The following FAM110B variants were observed in gnomAD, a reference collection of about 807,000 sequenced individuals.
The protein encoded by FAM110B is family with sequence similarity 110 member B, also known as protein FAM110B.
FAM110B carries 6 observed loss-of-function variants against 20.4 expected under a neutral mutation model. The observed-to-expected ratio is 0.29, with a 90% CI of 0.16 to 0.58. The LOEUF (loss-of-function observed/expected upper bound fraction) is 0.58, where lower values mean the gene tolerates loss of function less well. Among genes scored for constraint, FAM110B ranks in the 20% least tolerant of loss-of-function variants. The probability of loss-of-function intolerance (pLI) is 0.90; values close to 1 mark genes in which losing one functional copy is unlikely to be tolerated. For synonymous variants in FAM110B, 226 were observed against 214.1 expected, an observed-to-expected ratio of 1.06 and a Z score of -0.49; for missense variants, 434 against 498.2, an observed-to-expected ratio of 0.87 and a Z score of 1.23.
At chr8:58,006,901 G>GTATGTATATATATATATATATATATATA (rs1804415260) in intron 1 of FAM110B, among the ~76,000 whole-genome samples, 6 of 97,496 alleles carry the variant, frequency 6.2e-5, no homozygotes, top group Non-Finnish European at 1.1e-4. Context: ...GGCTTAATTG[G>GTATGTATATATATATATATATATATATA]TATATATATA....
At chr8:58,133,834 T>G (rs1440458297) in intron 3 of FAM110B, among the ~76,000 whole-genome samples, 1 of 152,230 alleles carries the variant, frequency 6.6e-6, no homozygotes, top group Non-Finnish European at 1.5e-5. Context: ...GTCTGCTGCT[T>G]TCCTTTCAAG....
At chr8:58,054,168 G>A (rs1805508187) in intron 2 of FAM110B, among the ~76,000 whole-genome samples, 2 of 152,174 alleles carry the variant, frequency 1.3e-5, no homozygotes, top group South Asian at 2.1e-4. Flanking sequence ...AGTTTACTAT[G>A]AACTGAAAAA....
intron 1 of FAM110B, among the ~76,000 whole-genome samples, chr8:58,021,160 C>T (rs1470285397): frequency 1.3e-5 from 2 of 152,120 alleles, no homozygotes; most frequent in African/African-American, 4.8e-5. Context: ...AGTTCTCTTG[C>T]CCCCGGATGC....
chr8:58,039,420 G>T (rs1805155223), intron 2 of FAM110B, among the ~76,000 whole-genome samples: 1 of 152,200 alleles, frequency 6.6e-6, no homozygotes, highest in Non-Finnish European at 1.5e-5. Flanking sequence ...GAAGGCCTTT[G>T]TCTCCAGCTT....
intron 3 of FAM110B, among the ~76,000 whole-genome samples, chr8:58,080,396 G>A (rs1269107650): frequency 6.6e-6 from 1 of 152,218 alleles, no homozygotes; most frequent in Admixed American, 6.5e-5. Context: ...CATACAAAGA[G>A]GGAAAGAGAC....
chr8:58,092,488 A>T (rs1806507320), intron 3 of FAM110B, among the ~76,000 whole-genome samples: 2 of 152,170 alleles, frequency 1.3e-5, no homozygotes, highest in Non-Finnish European at 2.9e-5. Flanking sequence ...AAGCGAGAAC[A>T]TGCGGTGTTT....
At chr8:58,004,757 A>G (rs774590601) in intron 1 of FAM110B, among the ~76,000 whole-genome samples, 5 of 152,194 alleles carry the variant, frequency 3.3e-5, no homozygotes, top group Non-Finnish European at 5.9e-5. Context: ...ACAAACAAAC[A>G]AACCTCATGA....
At chr8:58,079,262 C>T (rs1283673365) in intron 3 of FAM110B, among the ~76,000 whole-genome samples, 2 of 152,140 alleles carry the variant, frequency 1.3e-5, no homozygotes, top group Non-Finnish European at 2.9e-5. Flanking sequence ...GGCTTGCTTT[C>T]TGCTTTTTTA....
At chr8:58,019,347 A>G (rs1804699889) in intron 1 of FAM110B, among the ~76,000 whole-genome samples, 3 of 141,588 alleles carry the variant, frequency 2.1e-5, no homozygotes, top group South Asian at 2.2e-4. Flanking sequence ...AAAAAAAAAA[A>G]AAAAAAAAAA....
intron 2 of FAM110B, among the ~76,000 whole-genome samples, chr8:58,041,014 T>G (rs1017085444): frequency 2.7e-5 from 4 of 145,952 alleles, no homozygotes; most frequent in African/African-American, 5.0e-5. Flanking sequence ...CGATCTTGGC[T>G]CATTGCAACC....
At chr8:58,076,168 C>G (rs983849979) in intron 3 of FAM110B, among the ~76,000 whole-genome samples, 1 of 152,100 alleles carries the variant, frequency 6.6e-6, no homozygotes, top group African/African-American at 2.4e-5. Flanking sequence ...ACTATGTTGC[C>G]CAGGCTGATA....
At chr8:58,014,176 A>G (rs1032484831) in intron 1 of FAM110B, among the ~76,000 whole-genome samples, 2 of 152,162 alleles carry the variant, frequency 1.3e-5, no homozygotes, top group Non-Finnish European at 1.5e-5. Context: ...ACTGTCTAGT[A>G]AGAACACTTA....
At chr8:58,047,250 A>G (rs1300869776) in intron 2 of FAM110B, among the ~76,000 whole-genome samples, 1 of 152,176 alleles carries the variant, frequency 6.6e-6, no homozygotes, top group Non-Finnish European at 1.5e-5. Flanking sequence ...AGGATTTCAA[A>G]TAGTTAAATA....
chr8:58,094,690 G>T (rs948759149), intron 3 of FAM110B, among the ~76,000 whole-genome samples: 1 of 152,124 alleles, frequency 6.6e-6, no homozygotes, highest in African/African-American at 2.4e-5. Flanking sequence ...TGTTCGTCAG[G>T]GATATTGGCC....
chr8:58,129,992 C>G (rs1382631253), intron 3 of FAM110B, among the ~76,000 whole-genome samples: 1 of 151,944 alleles, frequency 6.6e-6, no homozygotes, highest in African/African-American at 2.4e-5. Flanking sequence ...TCTTCATGTT[C>G]CTTTCTTCTT....
At chr8:58,143,567 C>G (rs971115995) in intron 3 of FAM110B, among the ~76,000 whole-genome samples, 6 of 152,150 alleles carry the variant, frequency 3.9e-5, no homozygotes, top group African/African-American at 1.4e-4. Flanking sequence ...CTGGAGGAGC[C>G]GTCTTGAGGG....
intron 2 of FAM110B, among the ~76,000 whole-genome samples, chr8:58,059,181 T>C (rs1361578144): frequency 1.3e-5 from 2 of 152,218 alleles, no homozygotes; most frequent in Non-Finnish European, 2.9e-5. Flanking sequence ...TGTTTATCTG[T>C]TCTTCTGTGA....
At chr8:58,133,542 G>T (rs1033716338) in intron 3 of FAM110B, among the ~76,000 whole-genome samples, 1 of 152,214 alleles carries the variant, frequency 6.6e-6, no homozygotes, top group African/African-American at 2.4e-5. Context: ...CTCAGAGGGA[G>T]AGGTCAGAAA....
At chr8:58,110,654 T>C (rs1314683991) in intron 3 of FAM110B, among the ~76,000 whole-genome samples, 1 of 152,202 alleles carries the variant, frequency 6.6e-6, no homozygotes, top group Non-Finnish European at 1.5e-5. Flanking sequence ...GAAAAATTAT[T>C]TCAGAACTTG....
Sources: allele counts gnomAD v4.1 joint callset (sites outside exome capture counted in the v4.1 genomes callset), GRCh38; gene constraint gnomAD v4.1.1; transcripts MANE v1.5; gene names NCBI Gene and HGNC (gene_info 2026-07-23, HGNC 2026-07-21).